Variants in BRINP3 observed in about 807,000 individuals in gnomAD.
BRINP3 encodes BMP/retinoic acid-inducible neural-specific protein 3.
Under a neutral mutation model 71.0 loss-of-function variants are expected in BRINP3, and 19 were observed. That is an observed-to-expected ratio of 0.27 (90% CI 0.19 to 0.39). The LOEUF (loss-of-function observed/expected upper bound fraction) is 0.39, where lower values mean the gene tolerates loss of function less well. Among genes scored for constraint, BRINP3 ranks in the 10% least tolerant of loss-of-function variants. The pLI, the probability that BRINP3 is intolerant of heterozygous loss-of-function variation, is 1.00. For missense variants in BRINP3, 959 were observed against 940.8 expected, an observed-to-expected ratio of 1.02 and a Z score of -0.25; for synonymous variants, 380 against 337.7, an observed-to-expected ratio of 1.13 and a Z score of -1.37.
chr1:190,234,081 T>A (rs528292170), intron 5 of BRINP3, among the ~76,000 whole-genome samples: 1 of 152,240 alleles, frequency 6.6e-6, no homozygotes, highest in South Asian at 2.1e-4. Context: ...ATGAAGAAAC[T>A]GCTACATAAT....
chr1:190,166,683 G>C (rs915542786), intron 6 of BRINP3, among the ~76,000 whole-genome samples: 2 of 152,076 alleles, frequency 1.3e-5, no homozygotes, highest in Admixed American at 6.5e-5. Flanking sequence ...ATATGGTGTT[G>C]TTCATTGCAG....
intron 7 of BRINP3, among the ~76,000 whole-genome samples, chr1:190,110,736 T>C (rs1381128723): frequency 6.6e-6 from 1 of 152,100 alleles, no homozygotes; most frequent in Non-Finnish European, 1.5e-5. Context: ...TTGTGGCCAT[T>C]AGGAATAGAT....
chr1:190,177,082 C>T (rs1652581493), intron 6 of BRINP3, among the ~76,000 whole-genome samples: 1 of 149,996 alleles, frequency 6.7e-6, no homozygotes, highest in Admixed American at 6.6e-5. Flanking sequence ...TTTGCTACAT[C>T]TCCAATTGAC....
rs1470877302 is a variant in BRINP3, at chr1:190,404,709, C to T, written c.236+49946G>A. Among the ~76,000 whole-genome samples, 3 of 152,128 alleles carry T rather than the reference C, an allele frequency of 2.0e-5. No homozygotes were observed. The East Asian group carries it at 5.8e-4, about 29-fold the overall frequency. On this transcript the variant is annotated intron_variant, in intron 2 of 7. Coordinates refer to ENST00000367462, the MANE Select transcript of BRINP3 (RefSeq NM_199051.3). ...GAGAATATAAATTATTAACAAATTT[C>T]ACAGGTGATCAAGTTAAGGCTCAGA...
At chr1:190,172,339 A>G (rs1029125243) in intron 6 of BRINP3, among the ~76,000 whole-genome samples, 2 of 151,634 alleles carry the variant, frequency 1.3e-5, no homozygotes, top group African/African-American at 4.8e-5. Flanking sequence ...TGTTATGTTT[A>G]TAAATTATTT....
intron 2 of BRINP3, among the ~76,000 whole-genome samples, chr1:190,286,850 A>C (rs1663462715): frequency 6.6e-6 from 1 of 152,160 alleles, no homozygotes; most frequent in South Asian, 2.1e-4. Flanking sequence ...ATGGATCTTA[A>C]GAAATGGCAC....
chr1:190,224,330 A>C (rs1006740878), intron 6 of BRINP3, among the ~76,000 whole-genome samples: 2 of 151,912 alleles, frequency 1.3e-5, no homozygotes, highest in Non-Finnish European at 1.5e-5. Context: ...CCATATATAT[A>C]TCCACACATT....
chr1:190,099,826 G>A (rs1651540532), intron 7 of BRINP3, among the ~76,000 whole-genome samples: 1 of 152,196 alleles, frequency 6.6e-6, no homozygotes, highest in South Asian at 2.1e-4. Context: ...TAAGGGGTAA[G>A]TGTGTTAGTT....
At chr1:190,327,361 A>AAAAAAAAAAAAAAAAAGAAAAAAAAAC (rs1666673348) in intron 2 of BRINP3, among the ~76,000 whole-genome samples, 1 of 144,144 alleles carries the variant, frequency 6.9e-6, no homozygotes, top group Non-Finnish European at 1.5e-5. Context: ...GGAAAAAAAA[A>AAAAAAAAAAAAAAAAAGAAAAAAAAAC]AAAGAAAGAA....
chr1:190,122,621 C>G (rs1653768290), intron 7 of BRINP3, among the ~76,000 whole-genome samples: 1 of 151,450 alleles, frequency 6.6e-6, no homozygotes, highest in Non-Finnish European at 1.5e-5. Context: ...GGAGATATAC[C>G]TAATGTTAAA....
chr1:190,400,134 C>G (rs1476929412), intron 2 of BRINP3, among the ~76,000 whole-genome samples: 2 of 151,974 alleles, frequency 1.3e-5, no homozygotes, highest in South Asian at 4.1e-4. Flanking sequence ...CTGAAAACAC[C>G]TGATATGACA....
At chr1:190,217,900 TC>T (rs1179607616) in intron 6 of BRINP3, among the ~76,000 whole-genome samples, 1 of 152,054 alleles carries the variant, frequency 6.6e-6, no homozygotes, top group Non-Finnish European at 1.5e-5. Context: ...AAATCTCTGG[TC>T]AATGAATGTT....
chr1:190,340,739 C>CAA (rs531423125), intron 2 of BRINP3, among the ~76,000 whole-genome samples: 48 of 144,774 alleles, frequency 3.3e-4, no homozygotes, highest in African/African-American at 1.1e-3. Context: ...TAGGCCCTGT[C>CAA]AAAAAAAAAA....
chr1:190,106,689 C>G (rs1224957787), intron 7 of BRINP3, among the ~76,000 whole-genome samples: 1 of 151,300 alleles, frequency 6.6e-6, no homozygotes, highest in Non-Finnish European at 1.5e-5. Flanking sequence ...TTTTATTATA[C>G]TTTAAGTTTT....
chr1:190,230,209 C>A (rs555938286), intron 5 of BRINP3, among the ~76,000 whole-genome samples: 6 of 151,510 alleles, frequency 4.0e-5, no homozygotes, highest in African/African-American at 1.5e-4. Context: ...TTAAATATAA[C>A]ACAGAATGAG....
intron 2 of BRINP3, among the ~76,000 whole-genome samples, chr1:190,403,454 A>G (rs1672065442): frequency 6.6e-6 from 1 of 152,210 alleles, no homozygotes; most frequent in Non-Finnish European, 1.5e-5. Context: ...ATGCATCAAA[A>G]TGCCTGGCAA....
chr1:190,343,183 G>C (rs1176295145), intron 2 of BRINP3, among the ~76,000 whole-genome samples: 3 of 151,816 alleles, frequency 2.0e-5, no homozygotes, highest in African/African-American at 7.2e-5. Flanking sequence ...CCCAGGGTTA[G>C]ATTTTGGGAA....
intron 1 of BRINP3, among the ~76,000 whole-genome samples, chr1:190,469,181 A>C (rs935718386): frequency 6.6e-6 from 1 of 150,980 alleles, no homozygotes; most frequent in Non-Finnish European, 1.5e-5. Context: ...AATCATTGAT[A>C]ATTCATTTTC....
chr1:190,237,531 T>A (rs983668228), intron 4 of BRINP3, among the ~76,000 whole-genome samples: 2 of 151,958 alleles, frequency 1.3e-5, no homozygotes, highest in Admixed American at 6.6e-5. Context: ...ATTCCCATGA[T>A]GGAAATTTAA....
Sources: allele counts gnomAD v4.1 joint callset (sites outside exome capture counted in the v4.1 genomes callset), GRCh38; gene constraint gnomAD v4.1.1; transcripts MANE v1.5; gene names NCBI Gene and HGNC (gene_info 2026-07-23, HGNC 2026-07-21).